The following NLGN4X variants were observed in gnomAD, a reference collection of about 807,000 sequenced individuals.
The protein encoded by NLGN4X is neuroligin-4, X-linked.
Under a neutral mutation model 40.3 loss-of-function variants are expected in NLGN4X, and 3 were observed. The observed-to-expected ratio is 0.07, with a 90% CI of 0.03 to 0.19. The LOEUF is 0.19. NLGN4X is among the 10% of genes least tolerant of loss of function. NLGN4X has a pLI of 1.00. For synonymous variants in NLGN4X, 270 were observed against 306.8 expected (o/e 0.88, Z 1.25); for missense variants, 382 against 708.3 (o/e 0.54, Z 5.23).
At chrX:5,923,883 T>C (rs1031509200) in intron 3 of NLGN4X, among the ~76,000 whole-genome samples, 1 of 111,792 alleles carries the variant, frequency 8.9e-6, no homozygotes, top group African/African-American at 3.3e-5. Context: ...ATGACCAATG[T>C]GATTGCACCA....
At chrX:6,051,235 T>C (rs1156662825) in intron 2 of NLGN4X, among the ~76,000 whole-genome samples, 2 of 111,992 alleles carry the variant, frequency 1.8e-5, no homozygotes, top group African/African-American at 6.5e-5. Context: ...TAAAGTTTAA[T>C]TTATAAATTA....
In NLGN4X at chrX:5,945,269, G is replaced by A. The variant is rs191953167; in HGVS notation, c.626-36030C>T. 1.3e-4 allele frequency among the ~76,000 whole-genome samples: 15 copies of A among 111,625 alleles called. 1 individual carries two copies. In the East Asian group the frequency reaches 4.3e-3, roughly 32 times the overall value. ...AAGAAAAGATGGATGGGACAGGTCAGTGAGTACCCCATACGAGAAACCATG... is the reference window on the plus strand; with the variant it reads ...AAGAAAAGATGGATGGGACAGGTCAATGAGTACCCCATACGAGAAACCATG... On this transcript the variant is annotated intron_variant, in intron 3 of 5. Coordinates refer to ENST00000381095, the MANE Select transcript of NLGN4X (RefSeq NM_181332.3).
chrX:5,986,458 C>CT (rs201311718), intron 3 of NLGN4X, among the ~76,000 whole-genome samples: 7,508 of 111,162 alleles, frequency 0.068, 631 homozygotes, highest in African/African-American at 0.23. Context: ...AAATATTAAG[C>CT]TTTTTTCAGA....
At chrX:6,171,848 G>A (rs762606271) in intron 1 of NLGN4X, among the ~76,000 whole-genome samples, 1 of 111,511 alleles carries the variant, frequency 9.0e-6, no homozygotes, top group East Asian at 2.8e-4. Flanking sequence ...GGCCTGGTGG[G>A]AGGTGATGGC....
In NLGN4X at chrX:5,903,295, C is replaced by A. The variant is rs763976516; in HGVS notation, c.1383G>T (p.Ala461=). Reference sequence around the variant, plus strand: ...AGAAGTAGGTGGGGGAGCCGTACTGCGCGTGCAGGTCGGCGGTGGCCACGG... The same window carrying A: ...AGAAGTAGGTGGGGGAGCCGTACTGAGCGTGCAGGTCGGCGGTGGCCACGG... The part of the protein sequence containing the change: ...APAVATADLH[A]QYGSPTYFYA... The change falls in exon 5 of 6, where the codon GCG becomes GCT. Residue 461 remains alanine (A), a synonymous_variant. Transcript: ENST00000381095. The A allele has an allele frequency of 5.0e-6, 6 of 1,211,689 alleles. No individual in the cohort carries two copies. Among genetic ancestry groups the A allele is most frequent in the East Asian group, 5.9e-5 (2 of 33,809 alleles).
intron 2 of NLGN4X, among the ~76,000 whole-genome samples, chrX:6,140,411 G>A (rs2039919457): frequency 9.3e-6 from 1 of 107,927 alleles, no homozygotes; most frequent in Non-Finnish European, 1.9e-5. Context: ...TAACTGAATT[G>A]TGGATATTTC....
chrX:5,988,284 T>TA (rs1429154869), intron 3 of NLGN4X, among the ~76,000 whole-genome samples: 1 of 111,934 alleles, frequency 8.9e-6, no homozygotes, highest in Non-Finnish European at 1.9e-5. Flanking sequence ...GTCTGAGGCT[T>TA]AACACTACAG....
At chrX:6,053,881 C>T (rs920994855) in intron 2 of NLGN4X, among the ~76,000 whole-genome samples, 3 of 112,241 alleles carry the variant, frequency 2.7e-5, no homozygotes, top group African/African-American at 9.7e-5. Context: ...AGTCACCATG[C>T]ATTATCACAT....
chrX:6,036,747 A>G, intron 2 of NLGN4X, among the ~76,000 whole-genome samples: 1 of 110,787 alleles, frequency 9.0e-6, no homozygotes, highest in African/African-American at 3.3e-5. Context: ...AACAATTAGC[A>G]TCTCCGTAAA....
intron 2 of NLGN4X, among the ~76,000 whole-genome samples, chrX:6,033,940 G>C (rs1422562209): frequency 8.9e-6 from 1 of 112,215 alleles, no homozygotes; most frequent in East Asian, 2.8e-4. Flanking sequence ...CTTCCTATAG[G>C]GTTCTAGGAT....
intron 1 of NLGN4X, among the ~76,000 whole-genome samples, chrX:6,178,671 T>C (rs1602374665): frequency 1.8e-5 from 2 of 112,633 alleles, no homozygotes; most frequent in East Asian, 5.5e-4. Context: ...ATTTCACTTA[T>C]TTTCAAAAAA....
chrX:5,937,942 T>C (rs1233204395), intron 3 of NLGN4X, among the ~76,000 whole-genome samples: 1 of 112,127 alleles, frequency 8.9e-6, no homozygotes, highest in East Asian at 2.8e-4. Flanking sequence ...GTGTCCATAG[T>C]GGCTGCAGGG....
chrX:6,135,912 T>C (rs2039808371), intron 2 of NLGN4X, among the ~76,000 whole-genome samples: 1 of 112,304 alleles, frequency 8.9e-6, no homozygotes, highest in Admixed American at 9.5e-5. Context: ...ATCTCTTCTT[T>C]TCCCTTAAGT....
chrX:6,193,846 G>T (rs1197860304), intron 1 of NLGN4X, among the ~76,000 whole-genome samples: 1 of 112,242 alleles, frequency 8.9e-6, no homozygotes, highest in Non-Finnish European at 1.9e-5. Context: ...TCAACTCACT[G>T]TATTTCTCCA....
At chrX:6,184,924 C>A (rs1485243886) in intron 1 of NLGN4X, among the ~76,000 whole-genome samples, 3 of 112,175 alleles carry the variant, frequency 2.7e-5, no homozygotes, top group Non-Finnish European at 3.8e-5. Flanking sequence ...GCACTGCCTG[C>A]CCTTCTTAGC....
intron 3 of NLGN4X, among the ~76,000 whole-genome samples, chrX:5,992,721 G>C (rs1054449982): frequency 1.8e-4 from 20 of 111,721 alleles, no homozygotes; most frequent in Admixed American, 1.6e-3. Context: ...ACTTATGGTG[G>C]AAGAGGAAGG....
intron 4 of NLGN4X, among the ~76,000 whole-genome samples, chrX:5,908,821 T>C (rs749393224): frequency 9.0e-6 from 1 of 111,262 alleles, no homozygotes; most frequent in African/African-American, 3.3e-5. Flanking sequence ...AGCCCAGGAG[T>C]TGGAAGCTAC....
intron 3 of NLGN4X, among the ~76,000 whole-genome samples, chrX:5,940,491 A>C (rs1368754737): frequency 9.0e-6 from 1 of 110,670 alleles, no homozygotes; most frequent in African/African-American, 3.3e-5. Flanking sequence ...TGTGCTGCTG[A>C]TGAACCCCAG....
intron 3 of NLGN4X, among the ~76,000 whole-genome samples, chrX:5,985,430 TA>T (rs2035504132): frequency 9.1e-6 from 1 of 109,868 alleles, no homozygotes; most frequent in Admixed American, 9.8e-5. Context: ...CTGGCTAATT[TA>T]TTTTTTTTAT....
Sources: gnomAD v4.1 joint callset for allele counts (sites outside exome capture counted in the v4.1 genomes callset) on GRCh38, gnomAD v4.1.1 for gene constraint, MANE v1.5 for transcripts, NCBI Gene and HGNC (gene_info 2026-07-23, HGNC 2026-07-21) for gene names.